Variants in TNNI3K observed in about 807,000 individuals in gnomAD.
TNNI3K encodes TNNI3 interacting kinase, also known as serine/threonine-protein kinase TNNI3K.
TNNI3K carries 140 observed loss-of-function variants against 114.5 expected under a neutral mutation model. The ratio of observed to expected loss-of-function variants is 1.22; its 90% CI spans 1.07 to 1.41. The LOEUF (loss-of-function observed/expected upper bound fraction) is 1.41. Ranked by LOEUF, TNNI3K falls within the 40% of genes most tolerant of loss-of-function variation. The pLI, the probability that TNNI3K is intolerant of heterozygous loss-of-function variation, is 0.00. For missense variants in TNNI3K, 1,125 were observed against 1,007.6 expected (o/e 1.12, Z -1.58); for synonymous variants, 347 against 347.5 (o/e 1.00, Z 0.02).
At chr1:74,458,070 C>T (rs1188660213) in intron 20 of TNNI3K, among the ~76,000 whole-genome samples, 1 of 152,102 alleles carries the variant, frequency 6.6e-6, no homozygotes, top group Non-Finnish European at 1.5e-5. Context: ...TTTAGATGTG[C>T]AGATGATGAT....
intron 20 of TNNI3K, among the ~76,000 whole-genome samples, chr1:74,440,308 G>T (rs1666320391): frequency 6.6e-6 from 1 of 151,970 alleles, no homozygotes; most frequent in South Asian, 2.1e-4. Context: ...TGTCACACTA[G>T]ACAAATCTCC....
intron 21 of TNNI3K, among the ~76,000 whole-genome samples, chr1:74,486,088 T>A (rs190311434): frequency 6.6e-6 from 1 of 152,042 alleles, no homozygotes; most frequent in African/African-American, 2.4e-5. Flanking sequence ...CAATAACTAA[T>A]ACACTCCAGT....
At chr1:74,332,193 A>T (rs1660237480) in intron 6 of TNNI3K, among the ~76,000 whole-genome samples, 1 of 152,118 alleles carries the variant, frequency 6.6e-6, no homozygotes, top group Admixed American at 6.5e-5. Context: ...TTATGAAATT[A>T]ATGAATTGCC....
intron 21 of TNNI3K, among the ~76,000 whole-genome samples, chr1:74,486,930 T>C (rs899320885): frequency 2.6e-5 from 4 of 152,174 alleles, no homozygotes; most frequent in African/African-American, 9.7e-5. Context: ...AACCATTGAA[T>C]TTAGCAATGA....
intron 4 of TNNI3K, among the ~76,000 whole-genome samples, chr1:74,253,832 A>G (rs504733): frequency 0.86 from 130,537 of 152,212 alleles, 56,054 homozygotes; most frequent in Middle Eastern, 0.91. Flanking sequence ...CCTCAAGTGC[A>G]GCCAGAGTGG....
At chr1:74,302,266 C>T (rs1658372959) in intron 5 of TNNI3K, among the ~76,000 whole-genome samples, 1 of 152,280 alleles carries the variant, frequency 6.6e-6, no homozygotes, top group Non-Finnish European at 1.5e-5. Flanking sequence ...CAGACTAATC[C>T]ACTGACAGGC....
rs1343065681 is a variant in TNNI3K at position 74,540,173 on chromosome 1, T to C, written c.2352-61T>C. ...CTATGTTGAGTGGAAAAATTCTGTG[T>C]TTATAAAAATGTTATTATCAGATCA... is the stretch of plus-strand genomic sequence containing the variant. On this transcript the variant is annotated intron_variant, in intron 23 of 24. Transcript: ENST00000326637. The C allele has an allele frequency of 5.1e-6, 8 of 1,568,250 alleles. No individual in the cohort carries two copies. In the African/African-American group the frequency reaches 1.1e-4, roughly 21 times the overall value.
At chr1:74,320,075 A>C (rs1338931437) in intron 5 of TNNI3K, among the ~76,000 whole-genome samples, 2 of 152,142 alleles carry the variant, frequency 1.3e-5, no homozygotes, top group Non-Finnish European at 2.9e-5. Flanking sequence ...TCTGAAGCCA[A>C]AACTACTTGG....
At position 74,386,915 on chromosome 1, in the gene TNNI3K, C is replaced by T. The variant is rs1457594653; in HGVS notation, c.1772+16523C>T. Among the ~76,000 whole-genome samples, 4 of 152,214 alleles carry T rather than the reference C, an allele frequency of 2.6e-5. No individual in the cohort carries two copies. In the East Asian group the frequency reaches 7.7e-4, roughly 29 times the overall value. The stretch of plus-strand genomic sequence containing the variant: ...TTTGGACAGTAGTTTACTTACTTTG[C>T]TAACCTTAACTGTATATTAAGGATA... On this transcript the variant is annotated intron_variant, in intron 17 of 24. Coordinates refer to ENST00000326637, the MANE Select transcript of TNNI3K (RefSeq NM_015978.3).
intron 17 of TNNI3K, among the ~76,000 whole-genome samples, chr1:74,407,245 C>G (rs1352984104): frequency 6.6e-6 from 1 of 152,098 alleles, no homozygotes; most frequent in Non-Finnish European, 1.5e-5. Context: ...CCAGGGGCTT[C>G]TAAGATTGAG....
intron 4 of TNNI3K, among the ~76,000 whole-genome samples, chr1:74,270,773 C>A (rs1656293438): frequency 6.6e-6 from 1 of 151,492 alleles, no homozygotes; most frequent in South Asian, 2.1e-4. Flanking sequence ...GGTTTAAATT[C>A]CTACTTTGAG....
At chr1:74,480,922 G>A in intron 21 of TNNI3K, 2 of 717,336 alleles carry the variant, frequency 2.8e-6, no homozygotes, top group South Asian at 3.0e-5. Context: ...CAATAGAGGA[G>A]AGATATCCAT....
intron 5 of TNNI3K, among the ~76,000 whole-genome samples, chr1:74,290,396 T>C (rs949211626): frequency 2.5e-4 from 38 of 151,748 alleles, no homozygotes; most frequent in Non-Finnish European, 5.3e-4. Flanking sequence ...AGAATTATGA[T>C]GCAAACTCTG....
intron 13 of TNNI3K, 73 bp from the exon 14 acceptor site, chr1:74,368,949 T>C (rs1324092059): frequency 5.1e-6 from 6 of 1,167,942 alleles, no homozygotes; most frequent in Non-Finnish European, 7.1e-6. Context: ...GTTAAATATA[T>C]ATATGCACAT....
chr1:74,272,907 C>T (rs531480247), intron 5 of TNNI3K, among the ~76,000 whole-genome samples: 3 of 151,948 alleles, frequency 2.0e-5, no homozygotes, highest in Middle Eastern at 3.4e-3. Context: ...ACTCAAAATC[C>T]CATGATTGTC....
intron 6 of TNNI3K, among the ~76,000 whole-genome samples, chr1:74,334,188 A>G (rs1660352439): frequency 6.6e-6 from 1 of 152,222 alleles, no homozygotes; most frequent in African/African-American, 2.4e-5. Flanking sequence ...TGTTCAAAGC[A>G]ATATAGCTGA....
intron 23 of TNNI3K, among the ~76,000 whole-genome samples, chr1:74,497,115 A>C (rs1362297997): frequency 1.3e-5 from 2 of 152,224 alleles, no homozygotes; most frequent in Non-Finnish European, 2.9e-5. Flanking sequence ...AGTTTATAAA[A>C]GTTGAATATA....
chr1:74,374,194 A>C (rs1006708658), intron 17 of TNNI3K: 12 of 151,938 alleles, frequency 7.9e-5, no homozygotes, highest in Non-Finnish European at 1.6e-4. Flanking sequence ...AATCCACAGA[A>C]GTGAAACCTA....
chr1:74,411,827 T>C (rs1281809961), intron 17 of TNNI3K, among the ~76,000 whole-genome samples: 12 of 152,114 alleles, frequency 7.9e-5, no homozygotes, highest in Non-Finnish European at 1.8e-4. Context: ...AGACAGTGAA[T>C]TTGAATCTTC....
Sources: gnomAD v4.1 joint callset for allele counts (sites outside exome capture counted in the v4.1 genomes callset) on GRCh38, gnomAD v4.1.1 for gene constraint, MANE v1.5 for transcripts, NCBI Gene and HGNC (gene_info 2026-07-23, HGNC 2026-07-21) for gene names.